Variants in STK31 observed in about 807,000 individuals in gnomAD.
The protein encoded by STK31 is serine/threonine-protein kinase 31.
Under a neutral mutation model 129.7 loss-of-function variants are expected in STK31, and 89 were observed. That is an observed-to-expected ratio of 0.69 (90% CI 0.58 to 0.82). The LOEUF is 0.82. STK31 is among the 40% of genes least tolerant of loss of function. The probability of loss-of-function intolerance (pLI) is 0.00; values close to 1 mark genes in which losing one functional copy is unlikely to be tolerated. For synonymous variants in STK31, 448 were observed against 395.3 expected, an observed-to-expected ratio of 1.13 and a Z score of -1.58; for missense variants, 1,187 against 1,176.4, an observed-to-expected ratio of 1.01 and a Z score of -0.13.
At chr7:23,802,351 C>G (rs547288260) in intron 22 of STK31, among the ~76,000 whole-genome samples, 73 of 152,264 alleles carry the variant, frequency 4.8e-4, no homozygotes, top group African/African-American at 1.7e-3. Context: ...TCCCGCTGTG[C>G]GGTCCAGATG....
At chr7:23,741,670 A>T (rs1406871190) in intron 8 of STK31, among the ~76,000 whole-genome samples, 4 of 152,178 alleles carry the variant, frequency 2.6e-5, no homozygotes, top group African/African-American at 7.2e-5. Context: ...GGCATCAAAC[A>T]ATGTCTCTAA....
intron 22 of STK31, among the ~76,000 whole-genome samples, chr7:23,801,092 C>G (rs774928225): frequency 6.6e-6 from 1 of 152,128 alleles, no homozygotes; most frequent in Non-Finnish European, 1.5e-5. Flanking sequence ...ATTTCTGGGT[C>G]AGATTGTAAT....
At chr7:23,734,413 A>G (rs963753157) in intron 6 of STK31, among the ~76,000 whole-genome samples, 3 of 152,222 alleles carry the variant, frequency 2.0e-5, no homozygotes, top group African/African-American at 4.8e-5. Context: ...GAAATTCAGG[A>G]AAATAACCTA....
intron 22 of STK31, among the ~76,000 whole-genome samples, chr7:23,813,321 T>A (rs1057291144): frequency 1.3e-5 from 2 of 152,296 alleles, no homozygotes; most frequent in East Asian, 3.9e-4. Flanking sequence ...TAATTGTTTG[T>A]TGAAGCATTT....
chr7:23,741,107 T>C (rs960894307), intron 8 of STK31, among the ~76,000 whole-genome samples: 4 of 152,206 alleles, frequency 2.6e-5, no homozygotes, highest in African/African-American at 7.2e-5. Flanking sequence ...GCCCATCTTA[T>C]ACTCTTTGGA....
At chr7:23,742,209 G>A (rs1391764050) in intron 8 of STK31, among the ~76,000 whole-genome samples, 1 of 152,216 alleles carries the variant, frequency 6.6e-6, no homozygotes, top group Non-Finnish European at 1.5e-5. Context: ...GGTGCCTTGG[G>A]CATGGGGCTA....
intron 16 of STK31, among the ~76,000 whole-genome samples, chr7:23,782,282 G>A (rs1790976546): frequency 1.3e-5 from 2 of 151,772 alleles, no homozygotes; most frequent in Non-Finnish European, 2.9e-5. Flanking sequence ...AGACCAGCTT[G>A]GGCACATGGT....
chr7:23,783,762 A>G (rs919592169), intron 17 of STK31, 99 bp downstream of exon 17: 1 of 905,944 alleles, frequency 1.1e-6, no homozygotes, highest in African/African-American at 1.7e-5. Context: ...TATCTTTTAA[A>G]TAAAAATACT....
chr7:23,831,826 G>C lies in STK31; in HGVS notation c.2830-310G>C, dbSNP rs1794566080. 2.0e-5 allele frequency among the ~76,000 whole-genome samples: 3 copies of C among 152,144 alleles called. No individual in the cohort carries two copies. The South Asian group carries it at 6.2e-4, about 32-fold the overall frequency. On this transcript the variant is annotated intron_variant, in intron 23 of 23. Transcript: ENST00000355870. ...CTCTTAGTAGAGACGGGGTTTCACTGTGTTGGCCAGGCTAGTCTTGAACTC... is the reference window on the plus strand; with the variant it reads ...CTCTTAGTAGAGACGGGGTTTCACTCTGTTGGCCAGGCTAGTCTTGAACTC...
intron 1 of STK31, chr7:23,710,726 C>A (rs888384092): frequency 1.9e-6 from 2 of 1,065,156 alleles, no homozygotes; most frequent in Non-Finnish European, 2.3e-6. Flanking sequence ...TTTGTGATCT[C>A]TGTTTGCAGA....
At chr7:23,794,323 C>A (rs4719736) in intron 22 of STK31, among the ~76,000 whole-genome samples, 1 of 152,218 alleles carries the variant, frequency 6.6e-6, no homozygotes, top group African/African-American at 2.4e-5. Context: ...TCTTGCTGCC[C>A]CCATGTGAAG....
At chr7:23,758,205 G>A (rs1789224779) in intron 10 of STK31, among the ~76,000 whole-genome samples, 1 of 152,314 alleles carries the variant, frequency 6.6e-6, no homozygotes, top group East Asian at 1.9e-4. Context: ...TTGGTAGGGT[G>A]TAGGCATCCA....
At chr7:23,818,837 T>C (rs2893127) in intron 23 of STK31, among the ~76,000 whole-genome samples, 111,930 of 151,886 alleles carry the variant, frequency 0.74, 41,628 homozygotes, top group African/African-American at 0.82. Flanking sequence ...TTTGGCCAGG[T>C]TGGTCTTGAA....
intron 8 of STK31, among the ~76,000 whole-genome samples, chr7:23,747,138 T>C (rs1378724596): frequency 6.6e-6 from 1 of 152,150 alleles, no homozygotes; most frequent in Non-Finnish European, 1.5e-5. Flanking sequence ...GCTTTCTTTT[T>C]GTGTAATGTT....
chr7:23,788,922 TC>T (rs2128113014), intron 21 of STK31, among the ~76,000 whole-genome samples: 1 of 152,204 alleles, frequency 6.6e-6, no homozygotes, highest in Admixed American at 6.5e-5. Context: ...TTATTAACAT[TC>T]CCAAAAAGAA....
chr7:23,793,432 A>C (rs113317962), intron 22 of STK31, among the ~76,000 whole-genome samples: 20 of 152,344 alleles, frequency 1.3e-4, no homozygotes, highest in African/African-American at 4.6e-4. Flanking sequence ...TTCTAAAGAC[A>C]TTGTCACAAA....
At chr7:23,789,594 A>G (rs10245296) in intron 21 of STK31, among the ~76,000 whole-genome samples, 17,214 of 152,146 alleles carry the variant, frequency 0.11, 1,567 homozygotes, top group African/African-American at 0.25. Context: ...CTGCAACTGT[A>G]ATCAAAAGCT....
At chr7:23,817,198 A>AT (rs943578304) in intron 23 of STK31, among the ~76,000 whole-genome samples, 5 of 151,296 alleles carry the variant, frequency 3.3e-5, no homozygotes, top group South Asian at 2.1e-4. Context: ...AAAAAAAAAA[A>AT]AATAATAATA....
At chr7:23,781,710 T>C (rs987378678) in intron 16 of STK31, among the ~76,000 whole-genome samples, 190 bp downstream of exon 16, 3 of 152,220 alleles carry the variant, frequency 2.0e-5, no homozygotes, top group Admixed American at 2.0e-4. Context: ...TTCTGACCAT[T>C]GTACCAGTGT....
Sources: gnomAD v4.1 joint callset for allele counts (sites outside exome capture counted in the v4.1 genomes callset) on GRCh38, gnomAD v4.1.1 for gene constraint, MANE v1.5 for transcripts, NCBI Gene and HGNC (gene_info 2026-07-23, HGNC 2026-07-21) for gene names.